The following PPP1R21 variants were observed in gnomAD, a reference collection of about 807,000 sequenced individuals.
PPP1R21 encodes protein phosphatase 1 regulatory subunit 21, also known as KLRAQ motif containing 1.
A neutral mutation model predicts 112.8 loss-of-function variants in PPP1R21; 85 were observed. The observed-to-expected ratio is 0.75, with a 90% CI of 0.63 to 0.90. The LOEUF (loss-of-function observed/expected upper bound fraction) is 0.90. Ranked by LOEUF, PPP1R21 falls within the 40% of genes least tolerant of loss-of-function variation. PPP1R21 has a pLI of 0.00. For synonymous variants in PPP1R21, 381 were observed against 322.3 expected (o/e 1.18, Z -1.95); for missense variants, 1,199 against 901.5 (o/e 1.33, Z -4.23).
intron 14 of PPP1R21, 143 bp from the exon 15 acceptor site, chr2:48,490,875 A>T: frequency 1.5e-6 from 1 of 666,798 alleles, no homozygotes; most frequent in East Asian, 2.8e-5. Flanking sequence ...AAATAAATAA[A>T]TGTGGACTTT....
At chr2:48,481,465 T>C (rs1368990863) in intron 13 of PPP1R21, among the ~76,000 whole-genome samples, 1 of 152,248 alleles carries the variant, frequency 6.6e-6, no homozygotes, top group African/African-American at 2.4e-5. Context: ...GTGAGGCTTT[T>C]GGTTTGAGGA....
chr2:48,451,142 A>C lies in PPP1R21; in HGVS notation c.126+66A>C, dbSNP rs371248620. ...ATTTGGTGTTGCTCAAAGCAGGTTC[A>C]TTGGGTTTTCTGGGTTAAAGTTCCA... On this transcript the variant is annotated intron_variant, in intron 2 of 21. Transcript: ENST00000294952. The C allele has an allele frequency of 7.5e-6, 10 of 1,339,664 alleles. No individual in the cohort carries two copies. The African/African-American group carries it at 1.4e-4, about 19-fold the overall frequency. 83.0% of individuals were successfully genotyped at this position (1,339,664 alleles called of 1,614,324 possible). A position where few individuals can be genotyped will look rare whatever the true frequency, so the allele number is the denominator to read the frequency against.
chr2:48,469,567 C>CATATATATATATAGAGACAGAGAGAGCAT (rs1553339311), intron 9 of PPP1R21, among the ~76,000 whole-genome samples: 1 of 87,126 alleles, frequency 1.1e-5, no homozygotes, highest in Non-Finnish European at 2.4e-5. Flanking sequence ...AGAGAGAGAG[C>CATATATATATATAGAGACAGAGAGAGCAT]ATATATATAT....
intron 6 of PPP1R21, 124 bp downstream of exon 6, chr2:48,460,277 C>G: frequency 1.1e-6 from 1 of 935,586 alleles, no homozygotes; most frequent in South Asian, 1.6e-5. Flanking sequence ...GAGTAATCTA[C>G]AGGGTCCTTT....
At chr2:48,490,432 C>A (rs1247728426) in intron 14 of PPP1R21, among the ~76,000 whole-genome samples, 1 of 152,078 alleles carries the variant, frequency 6.6e-6, no homozygotes, top group Non-Finnish European at 1.5e-5. Flanking sequence ...GCCACAGATT[C>A]AAAATCATGG....
intron 9 of PPP1R21, among the ~76,000 whole-genome samples, chr2:48,466,530 G>A (rs1202467973): frequency 6.6e-6 from 1 of 151,962 alleles, no homozygotes; most frequent in Non-Finnish European, 1.5e-5. Flanking sequence ...CCTGGCCCTT[G>A]GGGAGTTTTT....
rs764505234 is a variant in PPP1R21 at position 48,511,383 on chromosome 2, G to C, written c.2228G>C (p.Ser743Thr). The stretch of plus-strand genomic sequence containing the variant: ...AAGAGGAGTTACGAGGATCAGTTAA[G>C]TATGATGAGTGACCACCTGTGCAGC... ...TTKRSYEDQL[S>T]MMSDHLCSMN... Residue 743 changes from serine (S) to threonine (T), a missense_variant, in exon 21 of 22, where the codon AGT becomes ACT. Physicochemically the swap from Ser to Thr is moderately conservative, Grantham distance 58. Transcript: ENST00000294952. 1 of 1,614,088 alleles carries C rather than the reference G, an allele frequency of 6.2e-7. No individual in the cohort carries two copies. The highest frequency in any genetic ancestry group is 8.5e-7 in the Non-Finnish European group (1 of 1,180,008).
intron 13 of PPP1R21, among the ~76,000 whole-genome samples, chr2:48,483,375 G>A (rs1669123739): frequency 1.3e-5 from 2 of 151,788 alleles, no homozygotes; most frequent in South Asian, 4.2e-4. Context: ...TAGAGACAGG[G>A]TTTCGCCATG....
At chr2:48,488,486 C>T (rs1240176469) in intron 14 of PPP1R21, among the ~76,000 whole-genome samples, 3 of 151,998 alleles carry the variant, frequency 2.0e-5, no homozygotes, top group Non-Finnish European at 2.9e-5. Flanking sequence ...GCCGCCTCAG[C>T]CTCCCGAGTA....
intron 12 of PPP1R21, among the ~76,000 whole-genome samples, chr2:48,476,627 A>T (rs1269314639): frequency 6.6e-6 from 1 of 152,002 alleles, no homozygotes; most frequent in Non-Finnish European, 1.5e-5. Flanking sequence ...TGGTTTTTTG[A>T]TTTTTAGCTA....
At chr2:48,446,306 A>G (rs1227890140) in intron 1 of PPP1R21, among the ~76,000 whole-genome samples, 1 of 152,200 alleles carries the variant, frequency 6.6e-6, no homozygotes, top group Non-Finnish European at 1.5e-5. Context: ...GAGAGAAGTC[A>G]TAGTGAGCTT....
rs1669957910 is a variant in PPP1R21, at chr2:48,498,621, A to G, written c.1821A>G (p.Thr607=). ...NQRIADKLKN[T]GSAQLVGLAQ... is the part of the protein sequence containing the mutation. Reference sequence around the variant, plus strand: ...GAATTGCAGATAAGCTGAAGAATACAGGTAGTGCCCAGCTGGTTGGGCTGG... The same window carrying G: ...GAATTGCAGATAAGCTGAAGAATACGGGTAGTGCCCAGCTGGTTGGGCTGG... The change falls in exon 17 of 22, where the codon ACA becomes ACG. Residue 607 remains threonine (T), a synonymous_variant. Transcript: ENST00000294952. 6.2e-7 allele frequency: 1 copy of G among 1,614,262 alleles called. No homozygotes were observed. The highest frequency in any genetic ancestry group is 1.7e-5 in the Admixed American group (1 of 60,036).
chr2:48,471,128 T>C lies in PPP1R21; in HGVS notation c.939T>C (p.Pro313=). The change falls in exon 10 of 22, where the codon CCT becomes CCC. Residue 313 remains proline, a synonymous_variant. Coordinates refer to ENST00000294952, the MANE Select transcript of PPP1R21 (RefSeq NM_001135629.3). The part of the protein sequence containing the change: ...YLHENASYVR[P]LEEGMLHLFE... ...ATGAAAATGCGTCCTATGTCCGCCC[T>C]CTTGAGGAAGGAATGCTTCATTTAT... The C allele has an allele frequency of 6.2e-7, 1 of 1,613,142 alleles. No individual in the cohort carries two copies. The highest frequency in any genetic ancestry group is 8.5e-7 in the Non-Finnish European group (1 of 1,179,124).
At chr2:48,488,246 C>T (rs552036723) in intron 14 of PPP1R21, among the ~76,000 whole-genome samples, 1 of 152,276 alleles carries the variant, frequency 6.6e-6, no homozygotes, top group South Asian at 2.1e-4. Flanking sequence ...CACTGCCTCC[C>T]CTTTCACCTC....
intron 9 of PPP1R21, among the ~76,000 whole-genome samples, chr2:48,469,557 A>C (rs1450589846): frequency 8.7e-6 from 1 of 115,144 alleles, no homozygotes; most frequent in Non-Finnish European, 1.8e-5. Context: ...ATATATAGAG[A>C]GAGAGAGAGC....
chr2:48,514,676 A>G (rs757446183), intron 21 of PPP1R21, 39 bp from the exon 22 acceptor site: 9 of 1,398,700 alleles, frequency 6.4e-6, no homozygotes, highest in Non-Finnish European at 9.1e-6. Flanking sequence ...ATTTTTTTTT[A>G]TGTTTATGTT....
At chr2:48,451,423 C>G (rs1038328897) in intron 2 of PPP1R21, among the ~76,000 whole-genome samples, 2 of 152,170 alleles carry the variant, frequency 1.3e-5, no homozygotes, top group African/African-American at 2.4e-5. Flanking sequence ...ATGTCATATT[C>G]CTATTTGAAT....
At chr2:48,500,165 A>C (rs1056320866) in intron 17 of PPP1R21, among the ~76,000 whole-genome samples, 1 of 152,146 alleles carries the variant, frequency 6.6e-6, no homozygotes, top group African/African-American at 2.4e-5. Context: ...CAGTGTCAGA[A>C]CCTCAGATGA....
At chr2:48,469,926 T>G (rs1303122958) in intron 9 of PPP1R21, among the ~76,000 whole-genome samples, 1 of 152,082 alleles carries the variant, frequency 6.6e-6, no homozygotes, top group Non-Finnish European at 1.5e-5. Flanking sequence ...GTGCATTATA[T>G]TATACAGCTC....
Sources: gnomAD v4.1 joint callset for allele counts (sites outside exome capture counted in the v4.1 genomes callset) on GRCh38, gnomAD v4.1.1 for gene constraint, MANE v1.5 for transcripts, NCBI Gene and HGNC (gene_info 2026-07-23, HGNC 2026-07-21) for gene names.